The following RCOR1 variants were observed in gnomAD, a reference collection of about 807,000 sequenced individuals.
RCOR1 encodes the protein REST corepressor.
RCOR1 carries 12 observed loss-of-function variants against 64.0 expected under a neutral mutation model. That is an observed-to-expected ratio of 0.19 (90% confidence interval 0.12 to 0.30). The LOEUF is 0.30. Among genes scored for constraint, RCOR1 ranks in the 10% least tolerant of loss-of-function variants. RCOR1 has a pLI of 1.00. For synonymous variants in RCOR1, 279 were observed against 227.2 expected (o/e 1.23, Z -2.05); for missense variants, 502 against 621.2 (o/e 0.81, Z 2.04).
chr14:102,722,374 G>T lies in RCOR1; in HGVS notation c.1377G>T (p.Lys459Asn). 6.2e-7 allele frequency: 1 copy of T among 1,614,062 alleles called. No individual in the cohort carries two copies. ...TNGPSNQKPV[K>N]SPDNSIKMPE... ...GGCCCAGTAACCAGAAGCCTGTGAAGTCCCCAGATAATTCCATTAAGATGC... is the reference window on the plus strand; with the variant it reads ...GGCCCAGTAACCAGAAGCCTGTGAATTCCCCAGATAATTCCATTAAGATGC... Residue 459 changes from lysine to asparagine, a missense_variant, in exon 11 of 12, where the codon AAG (lysine) becomes AAT (asparagine). Around this residue, in one of 2 missense-constraint regions of RCOR1, gnomAD observed 260 missense variants for 416.4 expected, o/e 0.62. Transcript: ENST00000262241.
chr14:102,617,959 TTC>T (rs1491396137), intron 2 of RCOR1, among the ~76,000 whole-genome samples: 34 of 150,148 alleles, frequency 2.3e-4, no homozygotes, highest in Non-Finnish European at 4.4e-4. Flanking sequence ...TTACATAAGT[TTC>T]TTTTTTTTTT....
intron 2 of RCOR1, among the ~76,000 whole-genome samples, chr14:102,639,189 G>A (rs928107629): frequency 1.3e-5 from 2 of 151,748 alleles, no homozygotes; most frequent in East Asian, 1.9e-4. Context: ...ACTAAACAGC[G>A]TAATTTGGAA....
At chr14:102,675,216 CAT>C (rs2139952554) in intron 2 of RCOR1, among the ~76,000 whole-genome samples, 1 of 152,016 alleles carries the variant, frequency 6.6e-6, no homozygotes, top group African/African-American at 2.4e-5. Context: ...TTTTGGTGCA[CAT>C]TTTTGTGAGT....
Position 102,659,341 on chromosome 14 carries a change from CAT to C in RCOR1, c.362-22552_362-22551del, listed in dbSNP as rs1488425130. The C allele has an allele frequency of 1.4e-5, 12 of 875,970 alleles. No homozygotes were observed. In the African/African-American group the frequency reaches 2.0e-4, roughly 15 times the overall value. 54.3% of individuals were successfully genotyped at this position (875,970 alleles called of 1,614,324 possible). A position where few individuals can be genotyped will look rare whatever the true frequency, so the allele number is the denominator to read the frequency against. On this transcript the variant is annotated intron_variant, in intron 2 of 11. Coordinates refer to ENST00000262241, the MANE Select transcript of RCOR1 (RefSeq NM_015156.4). ...GTGAGGTACCAGAATCATTAAGGCT[CAT>C]AAAGTCTTCCGTTTTTATTTTGGCT... is the stretch of plus-strand genomic sequence containing the variant.
At chr14:102,707,577 T>C (rs1895880805) in intron 5 of RCOR1, 65 bp downstream of exon 5, 5 of 1,296,726 alleles carry the variant, frequency 3.9e-6, no homozygotes, top group Non-Finnish European at 5.3e-6. Flanking sequence ...TGCAGCATAC[T>C]TGAGATAGGG....
intron 7 of RCOR1, among the ~76,000 whole-genome samples, chr14:102,712,174 G>A (rs898523700): frequency 1.4e-4 from 21 of 151,742 alleles, no homozygotes; most frequent in African/African-American, 4.8e-4. Context: ...TCCAGCCCTT[G>A]ATTTTATTTT....
At chr14:102,643,920 A>C (rs891181417) in intron 2 of RCOR1, among the ~76,000 whole-genome samples, 6 of 152,218 alleles carry the variant, frequency 3.9e-5, no homozygotes, top group African/African-American at 1.4e-4. Context: ...AGATGCTAAC[A>C]ATTGAGTGTT....
At chr14:102,656,472 T>A (rs1410401015) in intron 2 of RCOR1, among the ~76,000 whole-genome samples, 1 of 151,874 alleles carries the variant, frequency 6.6e-6, no homozygotes, top group Non-Finnish European at 1.5e-5. Context: ...GTTTCTGTTT[T>A]TTTGTTTATT....
In RCOR1 at chr14:102,657,548, G is replaced by A. The variant is rs142536874; in HGVS notation, c.362-24347G>A. On this transcript the variant is annotated intron_variant, in intron 2 of 11. Coordinates refer to ENST00000262241, the MANE Select transcript of RCOR1 (RefSeq NM_015156.4). ...TACATGTTTACTCTCAAGATCTGATGATTGACTGACTGGGTGCAGTGGATC... is the reference window on the plus strand; with the variant it reads ...TACATGTTTACTCTCAAGATCTGATAATTGACTGACTGGGTGCAGTGGATC... 1,355 of 983,478 alleles carry A rather than the reference G, an allele frequency of 1.4e-3. 22 individuals carry two copies. In the African/African-American group the frequency reaches 0.022, roughly 16 times the overall value. The allele number at this position is 983,478 out of a possible 1,614,324, so 60.9% of individuals were successfully genotyped here.
chr14:102,653,975 CTTTCTTTCTTTTTTTTTTT>C (rs1894661334), intron 2 of RCOR1, among the ~76,000 whole-genome samples: 6 of 30,294 alleles, frequency 2.0e-4, no homozygotes, highest in Admixed American at 7.7e-4. Flanking sequence ...TTCTTTCTTT[CTTTCTTTCTTTTTTTTTTT>C]TTTTTTTTTG....
chr14:102,665,291 C>T (rs2139943710), intron 2 of RCOR1, among the ~76,000 whole-genome samples: 1 of 150,734 alleles, frequency 6.6e-6, no homozygotes, highest in East Asian at 1.9e-4. Context: ...AGGTATGAGC[C>T]ACCACACCTG....
intron 7 of RCOR1, 35 bp downstream of exon 7, chr14:102,711,048 A>C: frequency 5.3e-6 from 7 of 1,332,986 alleles, no homozygotes; most frequent in Non-Finnish European, 7.4e-6. Context: ...TAGGCGAATA[A>C]ATTTTATTAC....
intron 3 of RCOR1, among the ~76,000 whole-genome samples, chr14:102,692,985 T>C (rs549573600): frequency 2.6e-5 from 4 of 152,014 alleles, no homozygotes; most frequent in African/African-American, 9.7e-5. Flanking sequence ...AGGCTGGTCT[T>C]GAATTCCTGA....
At chr14:102,650,373 A>G (rs1448713492) in intron 2 of RCOR1, among the ~76,000 whole-genome samples, 1 of 92,266 alleles carries the variant, frequency 1.1e-5, no homozygotes, top group Non-Finnish European at 2.0e-5. Flanking sequence ...ATCCTGCTTC[A>G]ATAAATGGAT....
chr14:102,601,447 A>G (rs1893395591), intron 2 of RCOR1, among the ~76,000 whole-genome samples: 1 of 152,234 alleles, frequency 6.6e-6, no homozygotes, highest in South Asian at 2.1e-4. Flanking sequence ...AGCAGATGAC[A>G]AGACAGAATT....
intron 2 of RCOR1, chr14:102,655,987 A>G (rs1175263585): frequency 1.0e-6 from 1 of 972,232 alleles, no homozygotes; most frequent in South Asian, 4.8e-5. Flanking sequence ...ACACACACAC[A>G]CGTGAAATAA....
intron 2 of RCOR1, among the ~76,000 whole-genome samples, chr14:102,632,982 AT>A (rs897411818): frequency 1.3e-5 from 2 of 150,534 alleles, no homozygotes; most frequent in African/African-American, 4.9e-5. Flanking sequence ...TAATTTTTAA[AT>A]TTTTTTTACA....
At chr14:102,655,541 G>T in intron 2 of RCOR1, 1 of 951,946 alleles carries the variant, frequency 1.1e-6, no homozygotes, top group Non-Finnish European at 1.3e-6. Context: ...TCAGAAAGTT[G>T]CGAAGATTAC....
intron 2 of RCOR1, among the ~76,000 whole-genome samples, chr14:102,660,150 C>T (rs1297570029): frequency 6.6e-6 from 1 of 152,092 alleles, no homozygotes; most frequent in Non-Finnish European, 1.5e-5. Context: ...TAGGTACACA[C>T]CTAGAATTTC....
Sources: gnomAD v4.1 joint callset for allele counts (sites outside exome capture counted in the v4.1 genomes callset) on GRCh38, gnomAD v4.1.1 for gene constraint, gnomAD v4.1.1 regional missense constraint, MANE v1.5 for transcripts, NCBI Gene and HGNC (gene_info 2026-07-23, HGNC 2026-07-21) for gene names.